The following EIF2S3 variants were observed in gnomAD, a reference collection of about 807,000 sequenced individuals.
EIF2S3 encodes eukaryotic translation initiation factor 2 subunit gamma.
A neutral mutation model predicts 31.7 loss-of-function variants in EIF2S3; 2 were observed. The observed-to-expected ratio is 0.06, with a 90% CI of 0.03 to 0.20. The LOEUF (loss-of-function observed/expected upper bound fraction) is 0.20. EIF2S3 is among the 10% of genes least tolerant of loss of function. The pLI is 1.00. For missense variants in EIF2S3, 96 were observed against 359.3 expected, an observed-to-expected ratio of 0.27 and a Z score of 5.92; for synonymous variants, 120 against 126.7, an observed-to-expected ratio of 0.95 and a Z score of 0.36.
chrX:24,058,142 T>C (rs1357835126), intron 4 of EIF2S3, among the ~76,000 whole-genome samples: 4 of 111,946 alleles, frequency 3.6e-5, no homozygotes, highest in Non-Finnish European at 5.6e-5. Context: ...TGAATATGAT[T>C]GCATACCTGT....
chrX:24,070,133 C>T (rs922805909), intron 9 of EIF2S3, among the ~76,000 whole-genome samples: 6 of 106,094 alleles, frequency 5.7e-5, no homozygotes, highest in East Asian at 3.0e-4. Context: ...TTCGGGAGGC[C>T]GAGGTGGACG....
At chrX:24,065,019 G>A (rs970534098) in intron 7 of EIF2S3, among the ~76,000 whole-genome samples, 2 of 111,768 alleles carry the variant, frequency 1.8e-5, no homozygotes, top group Admixed American at 9.5e-5. Context: ...TGATCACCTA[G>A]GCTTGTGGTT....
chrX:24,065,938 A>G, intron 7 of EIF2S3, 60 bp from the exon 8 acceptor site: 1 of 1,032,104 alleles, frequency 9.7e-7, no homozygotes, highest in Non-Finnish European at 1.3e-6. Context: ...TTAACATGGA[A>G]AATAATATTT....
At chrX:24,059,612 C>T (rs1003180880) in intron 4 of EIF2S3, among the ~76,000 whole-genome samples, 4 of 110,453 alleles carry the variant, frequency 3.6e-5, no homozygotes, top group Non-Finnish European at 7.6e-5. Flanking sequence ...TATTAGAGAC[C>T]GGGTTTCACC....
intron 4 of EIF2S3, among the ~76,000 whole-genome samples, 179 bp from the exon 5 acceptor site, chrX:24,059,909 A>G (rs1930465732): frequency 9.0e-6 from 1 of 111,724 alleles, no homozygotes; most frequent in Non-Finnish European, 1.9e-5. Flanking sequence ...TTGCTTTGTA[A>G]TCTGCAGTGG....
intron 10 of EIF2S3, among the ~76,000 whole-genome samples, chrX:24,072,406 C>T (rs1423689882): frequency 9.0e-6 from 1 of 110,936 alleles, no homozygotes; most frequent in African/African-American, 3.3e-5. Context: ...ACCTTAACCT[C>T]CTGAGTTGCT....
intron 4 of EIF2S3, among the ~76,000 whole-genome samples, chrX:24,058,780 G>A (rs376658720): frequency 5.5e-5 from 6 of 109,771 alleles, no homozygotes; most frequent in East Asian, 2.8e-4. Context: ...TGGTAGAGAC[G>A]GGGTTTTACC....
At chrX:24,067,430 G>A (rs1930594160) in intron 8 of EIF2S3, among the ~76,000 whole-genome samples, 1 of 108,661 alleles carries the variant, frequency 9.2e-6, no homozygotes, top group Non-Finnish European at 1.9e-5. Context: ...TGTGGTAATA[G>A]ACTTGTGTGG....
intron 2 of EIF2S3, 95 bp downstream of exon 2, chrX:24,055,773 A>G (rs1930394376): frequency 1.2e-6 from 1 of 857,697 alleles, no homozygotes; most frequent in Non-Finnish European, 1.7e-6. Context: ...GGATTCAGAT[A>G]TTCAAGAAAT....
At chrX:24,070,492 G>A (rs1160671879) in intron 9 of EIF2S3, among the ~76,000 whole-genome samples, 1 of 86,432 alleles carries the variant, frequency 1.2e-5, no homozygotes, top group African/African-American at 4.3e-5. Flanking sequence ...CCAGGCTGGA[G>A]TGCAGTGGCA....
chrX:24,059,502 A>G (rs1212279304), intron 4 of EIF2S3, among the ~76,000 whole-genome samples: 2 of 108,307 alleles, frequency 1.8e-5, no homozygotes, highest in Non-Finnish European at 3.8e-5. Context: ...GGCGCATTGC[A>G]ACCTCCACCT....
At chrX:24,061,660 A>G (rs993669697) in intron 5 of EIF2S3, among the ~76,000 whole-genome samples, 4 of 111,396 alleles carry the variant, frequency 3.6e-5, no homozygotes, top group Non-Finnish European at 7.5e-5. Context: ...AGTGCTCAAC[A>G]AAACATGCCT....
intron 8 of EIF2S3, 45 bp downstream of exon 8, chrX:24,066,137 G>GGTGT: frequency 1.8e-6 from 1 of 555,369 alleles, no homozygotes; most frequent in East Asian, 3.9e-5. Flanking sequence ...TTTTTTTTTT[G>GGTGT]TTGTTTGTTT....
chrX:24,077,538 C>T lies in EIF2S3; in HGVS notation c.*753C>T, dbSNP rs1421632011. On this transcript the variant is annotated 3_prime_UTR_variant, in exon 12 of 12. Coordinates refer to ENST00000253039, the MANE Select transcript of EIF2S3 (RefSeq NM_001415.4). ...GTAAAAACTTAAAGGCACAAATTCT[C>T]CTTGAAGACCTTCTCCCTTTTATGT... 2 of 112,412 alleles carry T rather than the reference C, an allele frequency of 1.8e-5. No homozygotes were observed. Among genetic ancestry groups the T allele is most frequent in the East Asian group, 5.5e-4 (2 of 3,630 alleles). The allele number at this position is 112,412 out of a possible 1,213,427, so 9.3% of individuals were successfully genotyped here.
At chrX:24,071,491 A>G (rs1322602015) in intron 9 of EIF2S3, 67 bp from the exon 10 acceptor site, 2 of 1,111,575 alleles carry the variant, frequency 1.8e-6, no homozygotes, top group East Asian at 3.0e-5. Flanking sequence ...CACCTGGCCA[A>G]CTAATTCACT....
At chrX:24,070,439 G>GTTTTTTTT (rs768908773) in intron 9 of EIF2S3, among the ~76,000 whole-genome samples, 1 of 50,977 alleles carries the variant, frequency 2.0e-5, no homozygotes, top group Admixed American at 3.6e-4. Context: ...ATCATATGTA[G>GTTTTTTTT]TTTTTTTTTT....
At chrX:24,055,771 A>G in intron 2 of EIF2S3, 93 bp downstream of exon 2, 2 of 871,679 alleles carry the variant, frequency 2.3e-6, no homozygotes, top group South Asian at 4.2e-5. Context: ...GAGGATTCAG[A>G]TATTCAAGAA....
intron 11 of EIF2S3, 137 bp from the exon 12 acceptor site, chrX:24,076,585 C>A: frequency 1.8e-6 from 1 of 544,617 alleles, no homozygotes; most frequent in Non-Finnish European, 3.0e-6. Context: ...ATAGTGTGGG[C>A]TTTCTTTATG....
intron 6 of EIF2S3, among the ~76,000 whole-genome samples, chrX:24,063,948 ATAT>A (rs1393931729): frequency 8.9e-6 from 1 of 111,901 alleles, no homozygotes; most frequent in African/African-American, 3.2e-5. Context: ...CATTGTACTA[ATAT>A]TAAGTATGTC....
Sources: gnomAD v4.1 joint callset for allele counts (sites outside exome capture counted in the v4.1 genomes callset) on GRCh38, gnomAD v4.1.1 for gene constraint, MANE v1.5 for transcripts, NCBI Gene and HGNC (gene_info 2026-07-23, HGNC 2026-07-21) for gene names.